STXBP3: variants seen among roughly 807,000 people sequenced by gnomAD.
STXBP3 encodes the protein syntaxin-binding protein 3.
STXBP3 carries 41 observed loss-of-function variants against 85.7 expected under a neutral mutation model. The ratio of observed to expected loss-of-function variants is 0.48; its 90% CI spans 0.37 to 0.62. STXBP3 has a LOEUF of 0.62. Among genes scored for constraint, STXBP3 ranks in the 20% least tolerant of loss-of-function variants. The pLI is 0.00. For synonymous variants in STXBP3, 229 were observed against 231.7 expected (o/e 0.99, Z 0.10); for missense variants, 563 against 703.1 (o/e 0.80, Z 2.25).
At chr1:108,777,559 C>T (rs1004046650) in intron 8 of STXBP3, among the ~76,000 whole-genome samples, 1 of 152,018 alleles carries the variant, frequency 6.6e-6, no homozygotes, top group Non-Finnish European at 1.5e-5. Context: ...TAGTACACAT[C>T]GTAGATAGTG....
At position 108,809,137 on chromosome 1, in the gene STXBP3, T is replaced by C. The variant is rs959186651; in HGVS notation, c.*260T>C. The C allele has an allele frequency of 1.3e-5, 4 of 311,250 alleles. No homozygotes were observed. The highest frequency in any genetic ancestry group is 1.0e-4 in the Admixed American group (2 of 19,634). 19.3% of individuals were successfully genotyped at this position (311,250 alleles called of 1,614,324 possible). On this transcript the variant is annotated 3_prime_UTR_variant, in exon 19 of 19. Transcript: ENST00000370008. Reference sequence around the variant, plus strand: ...AAATTTTTTCACCTTTGGAGGAGAATATATTAGAGTTGTGGGTAATTTTTC... The same window carrying C: ...AAATTTTTTCACCTTTGGAGGAGAACATATTAGAGTTGTGGGTAATTTTTC...
At chr1:108,769,359 C>A (rs1662333955) in intron 6 of STXBP3, among the ~76,000 whole-genome samples, 1 of 152,076 alleles carries the variant, frequency 6.6e-6, no homozygotes, top group African/African-American at 2.4e-5. Context: ...TGAAAAAAAT[C>A]TGCATATAAG....
intron 6 of STXBP3, among the ~76,000 whole-genome samples, chr1:108,768,180 A>G (rs1030983156): frequency 6.6e-6 from 1 of 152,176 alleles, no homozygotes; most frequent in Admixed American, 6.5e-5. Flanking sequence ...TATTTATGGG[A>G]TACAATTTGA....
chr1:108,782,816 G>A (rs1394828064), intron 11 of STXBP3, 110 bp downstream of exon 11: 1 of 948,172 alleles, frequency 1.1e-6, no homozygotes, highest in East Asian at 2.6e-5. Flanking sequence ...TTCTAACATG[G>A]AGGTAGAGAA....
chr1:108,762,680 T>C (rs1372630892), intron 6 of STXBP3, among the ~76,000 whole-genome samples: 6 of 152,206 alleles, frequency 3.9e-5, no homozygotes, highest in Non-Finnish European at 5.9e-5. Context: ...CTACCTCATT[T>C]TTGCTGAAGA....
intron 6 of STXBP3, among the ~76,000 whole-genome samples, chr1:108,771,133 T>C (rs1034332581): frequency 2.6e-5 from 4 of 151,600 alleles, no homozygotes; most frequent in African/African-American, 9.7e-5. Context: ...CCTTCATCTG[T>C]TGCACTGGTA....
At chr1:108,771,285 A>G (rs1662391885) in intron 6 of STXBP3, among the ~76,000 whole-genome samples, 1 of 147,284 alleles carries the variant, frequency 6.8e-6, no homozygotes, top group South Asian at 2.1e-4. Flanking sequence ...AGGTAAAGAC[A>G]CAGTTGTTTC....
chr1:108,771,288 G>C (rs1243625338), intron 6 of STXBP3, among the ~76,000 whole-genome samples: 2 of 146,552 alleles, frequency 1.4e-5, no homozygotes, highest in Admixed American at 7.2e-5. Context: ...TAAAGACACA[G>C]TTGTTTCAGG....
At chr1:108,753,487 G>A (rs1338523) in intron 3 of STXBP3, among the ~76,000 whole-genome samples, 106,955 of 151,710 alleles carry the variant, frequency 0.7, 38,678 homozygotes, top group Non-Finnish European at 0.77. Context: ...TTCATATATC[G>A]CTTTAAAATG....
intron 6 of STXBP3, among the ~76,000 whole-genome samples, chr1:108,763,325 G>A (rs1261978167): frequency 6.6e-6 from 1 of 152,056 alleles, no homozygotes; most frequent in Non-Finnish European, 1.5e-5. Context: ...TCCTTTATCA[G>A]CCACTTTACT....
intron 2 of STXBP3, 69 bp downstream of exon 2, chr1:108,752,375 A>G: frequency 7.0e-7 from 1 of 1,428,260 alleles, no homozygotes; most frequent in Admixed American, 1.8e-5. Flanking sequence ...TATAAAAACT[A>G]CATAGTATTT....
In STXBP3 at chr1:108,808,860, T is replaced by C. The variant is rs1163762580; in HGVS notation, c.1762T>C (p.Leu588=). The C allele has an allele frequency of 1.2e-6, 2 of 1,609,000 alleles. No individual in the cohort carries two copies. The highest frequency in any genetic ancestry group is 2.7e-5 in the African/African-American group (2 of 74,764). ...MLNKPKDKVS[L]IKDE is the part of the protein sequence containing the mutation. ...GAATAAACCCAAGGATAAAGTCTCC[T>C]TAATTAAAGATGAATAGCATTTCTT... Residue 588 remains leucine (L), a synonymous_variant, in exon 19 of 19, where the codon TTA becomes CTA. Transcript: ENST00000370008.
intron 6 of STXBP3, among the ~76,000 whole-genome samples, chr1:108,765,055 A>G (rs1313589221): frequency 6.6e-6 from 1 of 152,052 alleles, no homozygotes; most frequent in African/African-American, 2.4e-5. Context: ...TGATTTTTGT[A>G]TATGGTGTAT....
At chr1:108,789,896 T>A (rs1662940240) in intron 11 of STXBP3, among the ~76,000 whole-genome samples, 1 of 150,540 alleles carries the variant, frequency 6.6e-6, no homozygotes, top group East Asian at 1.9e-4. Context: ...CGAAACCCCA[T>A]CTCTACTAAA....
intron 1 of STXBP3, among the ~76,000 whole-genome samples, chr1:108,747,110 G>GCCGCGCTCCCCACTTTTCTCCGCTCCCGT (rs1661803873): frequency 6.8e-6 from 1 of 147,394 alleles, no homozygotes; most frequent in Non-Finnish European, 1.5e-5. Flanking sequence ...CGTGCCCTCG[G>GCCGCGCTCCCCACTTTTCTCCGCTCCCGT]CCGCGCTCCC....
intron 8 of STXBP3, 26 bp downstream of exon 8, chr1:108,776,449 C>A (rs1013195632): frequency 2.4e-5 from 36 of 1,526,648 alleles, no homozygotes; most frequent in Non-Finnish European, 3.0e-5. Flanking sequence ...CAAGTAATGA[C>A]TATGCATAAA....
intron 17 of STXBP3, among the ~76,000 whole-genome samples, chr1:108,805,143 C>T (rs1457065608): frequency 6.6e-6 from 1 of 152,160 alleles, no homozygotes; most frequent in African/African-American, 2.4e-5. Context: ...TCTAAAATTG[C>T]TATTCAGAAG....
intron 7 of STXBP3, among the ~76,000 whole-genome samples, chr1:108,773,808 A>G (rs1463921250): frequency 3.3e-5 from 5 of 152,168 alleles, no homozygotes; most frequent in Non-Finnish European, 7.4e-5. Context: ...TGCAAACGCC[A>G]CACAGACAGT....
In STXBP3 at chr1:108,809,360, T is replaced by C. The variant is rs1454216974; in HGVS notation, c.*483T>C. Reference sequence around the variant, plus strand: ...ACTAAAATTCAGTTTATGTGTAAAATAATTCAGTCATTAATAGAAATGGAG... The same window carrying C: ...ACTAAAATTCAGTTTATGTGTAAAACAATTCAGTCATTAATAGAAATGGAG... On this transcript the variant is annotated 3_prime_UTR_variant, in exon 19 of 19. Transcript: ENST00000370008. 1 of 153,232 alleles carries C rather than the reference T, an allele frequency of 6.5e-6. No homozygotes were observed. Among genetic ancestry groups the C allele is most frequent in the Admixed American group, 6.5e-5 (1 of 15,292 alleles). The allele number at this position is 153,232 out of a possible 1,614,324, so 9.5% of individuals were successfully genotyped here.
Sources: allele counts gnomAD v4.1 joint callset (sites outside exome capture counted in the v4.1 genomes callset), GRCh38; gene constraint gnomAD v4.1.1; transcripts MANE v1.5; gene names NCBI Gene and HGNC (gene_info 2026-07-23, HGNC 2026-07-21).